ADCY5: variants seen among roughly 807,000 people sequenced by gnomAD.
ADCY5 encodes the protein adenylate cyclase type 5.
ADCY5 carries 30 observed loss-of-function variants against 119.7 expected under a neutral mutation model. The ratio of observed to expected loss-of-function variants is 0.25; its 90% CI spans 0.19 to 0.34. ADCY5 has a LOEUF of 0.34. Ranked by LOEUF, ADCY5 falls within the 10% of genes least tolerant of loss-of-function variation. The pLI is 1.00. For missense variants in ADCY5, 1,324 were observed against 1,775.2 expected, an observed-to-expected ratio of 0.75 and a Z score of 4.57; for synonymous variants, 753 against 762.2, an observed-to-expected ratio of 0.99 and a Z score of 0.20.
chr3:123,416,419 A>C, intron 1 of ADCY5: 11 of 1,292,312 alleles, frequency 8.5e-6, no homozygotes, highest in South Asian at 1.5e-5. Context: ...CAACCTCCCA[A>C]AGGGCCTCCC....
At position 123,335,573 on chromosome 3, in the gene ADCY5, C is replaced by T. The variant is rs528269174; in HGVS notation, c.1407-2898G>A. Among the ~76,000 whole-genome samples, 53 of 152,220 alleles carry T rather than the reference C, an allele frequency of 3.5e-4. 2 individuals carry two copies. The Middle Eastern group carries it at 0.01, about 29-fold the overall frequency. On this transcript the variant is annotated intron_variant, in intron 3 of 20. Coordinates refer to ENST00000462833, the MANE Select transcript of ADCY5 (RefSeq NM_183357.3). ...GTAGGCCCCACAGACATCTTAAATG[C>T]GTAAAGGTATGATCCAACACCCTGG...
At position 123,352,210 on chromosome 3, in the gene ADCY5, TG is replaced by T. The variant is rs1286644567; in HGVS notation, c.1284+221del. On this transcript the variant is annotated intron_variant, in intron 2 of 20. Transcript: ENST00000462833. This position sits in a 1 kb window ranked among gnomAD's most constrained non-coding sequence, Gnocchi z 4.8. The stretch of plus-strand genomic sequence containing the variant: ...AAACCACAGGGACGCCACATGGCTA[TG>T]GGCACCAGGCCTTGGGCACGGGCTG... Among the ~76,000 whole-genome samples the T allele has an allele frequency of 1.3e-5, 2 of 152,112 alleles. No homozygotes were observed. The highest frequency in any genetic ancestry group is 4.8e-5 in the African/African-American group (2 of 41,422).
intron 3 of ADCY5, among the ~76,000 whole-genome samples, chr3:123,345,620 C>G (rs1942494572): frequency 6.6e-6 from 1 of 152,178 alleles, no homozygotes; most frequent in Non-Finnish European, 1.5e-5. Context: ...CCTATGGGAT[C>G]TGTTCTAATA....
intron 3 of ADCY5, among the ~76,000 whole-genome samples, chr3:123,343,001 G>A (rs1324649340): frequency 6.6e-6 from 1 of 152,144 alleles, no homozygotes; most frequent in Admixed American, 6.5e-5. Context: ...GGAGTCCTGG[G>A]CTAGCTAGCT....
At chr3:123,363,759 A>C (rs1943337718) in intron 1 of ADCY5, among the ~76,000 whole-genome samples, 1 of 152,206 alleles carries the variant, frequency 6.6e-6, no homozygotes, top group Non-Finnish European at 1.5e-5. Flanking sequence ...GAAATAAAAA[A>C]TTAGCCGGGC....
chr3:123,423,816 G>A (rs1162100932), intron 1 of ADCY5, among the ~76,000 whole-genome samples: 1 of 152,216 alleles, frequency 6.6e-6, no homozygotes, highest in African/African-American at 2.4e-5. Context: ...GGCCAGCTCA[G>A]TGGGAGAGCA....
At chr3:123,422,409 C>A (rs1422503147) in intron 1 of ADCY5, among the ~76,000 whole-genome samples, 2 of 152,190 alleles carry the variant, frequency 1.3e-5, no homozygotes, top group Non-Finnish European at 2.9e-5. Flanking sequence ...TAAACAAATT[C>A]TCACAACAGC....
At chr3:123,402,092 G>A (rs562480630) in intron 1 of ADCY5, among the ~76,000 whole-genome samples, 1 of 152,326 alleles carries the variant, frequency 6.6e-6, no homozygotes, top group Non-Finnish European at 1.5e-5. Flanking sequence ...GGACACAAAA[G>A]GGAAGTGTGT....
At position 123,291,428 on chromosome 3, in the gene ADCY5, C is replaced by T. The variant is rs143797887; in HGVS notation, c.3064-52G>A. 31 of 1,569,900 alleles carry T rather than the reference C, an allele frequency of 2.0e-5. No individual in the cohort carries two copies. The African/African-American group carries it at 2.0e-4, about 10-fold the overall frequency. On this transcript the variant is annotated intron_variant, in intron 17 of 20. Transcript: ENST00000462833. Reference sequence around the variant, plus strand: ...CAGATGCCAATGTGAGCCCAGATGTCGGCCCCTCCACCTCCTCCTCTCCGT... The same window carrying T: ...CAGATGCCAATGTGAGCCCAGATGTTGGCCCCTCCACCTCCTCCTCTCCGT...
intron 1 of ADCY5, among the ~76,000 whole-genome samples, chr3:123,384,780 C>T (rs1192492226): frequency 6.6e-6 from 1 of 152,138 alleles, no homozygotes; most frequent in East Asian, 1.9e-4. Context: ...AGTTTTCTAA[C>T]TTGGGAAGCA....
intron 1 of ADCY5, among the ~76,000 whole-genome samples, chr3:123,363,570 T>C (rs1386343352): frequency 1.3e-5 from 2 of 152,118 alleles, no homozygotes; most frequent in East Asian, 3.9e-4. Flanking sequence ...AATTTAACAA[T>C]TAGGAGCAGC....
intron 13 of ADCY5, among the ~76,000 whole-genome samples, 174 bp downstream of exon 13, chr3:123,303,889 AAGAG>A (rs762368599): frequency 0.068 from 6,313 of 92,220 alleles, 176 homozygotes; most frequent in East Asian, 0.16. Flanking sequence ...AAGAGAAGAG[AAGAG>A]AAGAAAGAAC....
intron 1 of ADCY5, among the ~76,000 whole-genome samples, chr3:123,401,747 G>A (rs1189605371): frequency 6.6e-6 from 1 of 152,174 alleles, no homozygotes; most frequent in African/African-American, 2.4e-5. Context: ...CCTTTTGGCT[G>A]TTCTCTGAGA....
chr3:123,325,262 C>A (rs1169665134), intron 8 of ADCY5, 60 bp downstream of exon 8: 1 of 1,587,578 alleles, frequency 6.3e-7, no homozygotes, highest in African/African-American at 1.3e-5. Flanking sequence ...GGGCCTCATG[C>A]CCACAGAAGG....
chr3:123,308,598 G>A (rs1940347700), intron 12 of ADCY5, among the ~76,000 whole-genome samples: 1 of 152,050 alleles, frequency 6.6e-6, no homozygotes, highest in South Asian at 2.1e-4. Context: ...GGGAGGCCGA[G>A]GCAGGTGGAT....
chr3:123,410,596 T>TAAAAAA (rs1282991114), intron 1 of ADCY5, among the ~76,000 whole-genome samples: 2 of 151,996 alleles, frequency 1.3e-5, no homozygotes, highest in Admixed American at 6.5e-5. Flanking sequence ...ATAAAGGACA[T>TAAAAAA]AAAATAAAGG....
Position 123,284,577 on chromosome 3 carries a change from C to T in ADCY5, c.*31G>A. The T allele has an allele frequency of 6.2e-7, 1 of 1,613,294 alleles. No individual in the cohort carries two copies. The highest frequency in any genetic ancestry group is 8.5e-7 in the Non-Finnish European group (1 of 1,179,350). The stretch of plus-strand genomic sequence containing the variant: ...AAGCTGCTTCCATGCCTCTGGAGGC[C>T]AGGCTGCCTGGCACCATTGGCCAAC... On this transcript the variant is annotated 3_prime_UTR_variant, in exon 21 of 21. Transcript: ENST00000462833.
chr3:123,447,658 G>A lies in ADCY5; in HGVS notation c.888C>T (p.Asp296=). ...GCGCATAGCAGGCCAGGCCCATGTGGTCCTGGTGGAAGGCGGCGCGGTTGC... is the reference window on the plus strand; with the variant it reads ...GCGCATAGCAGGCCAGGCCCATGTGATCCTGGTGGAAGGCGGCGCGGTTGC... ...VLCNRAAFHQ[D]HMGLACYALI... is the part of the protein sequence containing the mutation. Residue 296 remains aspartate (D), a synonymous_variant, in exon 1 of 21, where the codon GAC becomes GAT. Coordinates refer to ENST00000462833, the MANE Select transcript of ADCY5 (RefSeq NM_183357.3). The A allele has an allele frequency of 1.2e-6, 2 of 1,607,596 alleles. No individual in the cohort carries two copies. Among genetic ancestry groups the A allele is most frequent in the Non-Finnish European group, 1.7e-6 (2 of 1,176,910 alleles).
chr3:123,415,876 T>C (rs1245897844), intron 1 of ADCY5, among the ~76,000 whole-genome samples: 2 of 152,038 alleles, frequency 1.3e-5, no homozygotes, highest in South Asian at 2.1e-4. Flanking sequence ...TAGGGGTAAA[T>C]GGACATGATG....
Sources: allele counts gnomAD v4.1 joint callset (sites outside exome capture counted in the v4.1 genomes callset), GRCh38; gene constraint gnomAD v4.1.1; non-coding constraint Gnocchi (gnomAD v3.1); transcripts MANE v1.5; gene names NCBI Gene and HGNC (gene_info 2026-07-23, HGNC 2026-07-21).